MYOCD: variants seen among roughly 807,000 people sequenced by gnomAD.
The protein encoded by MYOCD is myocardin.
MYOCD carries 32 observed loss-of-function variants against 96.1 expected under a neutral mutation model. The ratio of observed to expected loss-of-function variants is 0.33; its 90% CI spans 0.25 to 0.45. The LOEUF is 0.45. Ranked by LOEUF, MYOCD falls within the 20% of genes least tolerant of loss-of-function variation. MYOCD has a pLI of 1.00. For missense variants in MYOCD, 1,133 were observed against 1,200.6 expected, an observed-to-expected ratio of 0.94 and a Z score of 0.83; for synonymous variants, 469 against 469.0, an observed-to-expected ratio of 1.00 and a Z score of 0.00.
intron 2 of MYOCD, among the ~76,000 whole-genome samples, chr17:12,711,794 C>T (rs538015825): frequency 6.6e-6 from 1 of 152,278 alleles, no homozygotes; most frequent in South Asian, 2.1e-4. Context: ...GAAATCCCAT[C>T]ACAGCGGTTC....
At chr17:12,733,885 A>G (rs12601276) in intron 5 of MYOCD, among the ~76,000 whole-genome samples, 2,887 of 139,752 alleles carry the variant, frequency 0.021, 244 homozygotes, top group East Asian at 0.15. Flanking sequence ...AAAAAAGAAA[A>G]AAAGAAAGAA....
At chr17:12,668,629 C>T (rs2150623936) in intron 1 of MYOCD, among the ~76,000 whole-genome samples, 1 of 151,588 alleles carries the variant, frequency 6.6e-6, no homozygotes, top group East Asian at 1.9e-4. Context: ...TTTGAGAAGC[C>T]AAAGGGTGTC....
At chr17:12,680,213 C>T (rs550439442) in intron 1 of MYOCD, among the ~76,000 whole-genome samples, 91 of 152,294 alleles carry the variant, frequency 6.0e-4, no homozygotes, top group African/African-American at 2.1e-3. Flanking sequence ...TCTAATTCTC[C>T]TTTATATCTA....
chr17:12,681,889 T>C (rs1435146667), intron 1 of MYOCD, among the ~76,000 whole-genome samples: 1 of 152,168 alleles, frequency 6.6e-6, no homozygotes, highest in African/African-American at 2.4e-5. Flanking sequence ...CCTATGTTAT[T>C]CTTGGTCAGT....
At chr17:12,679,377 G>A (rs1910311427) in intron 1 of MYOCD, among the ~76,000 whole-genome samples, 1 of 152,170 alleles carries the variant, frequency 6.6e-6, no homozygotes, top group Admixed American at 6.5e-5. Flanking sequence ...TAGTAGAAAT[G>A]CAGCCTTCAC....
chr17:12,721,502 G>A (rs1024474204), intron 4 of MYOCD, among the ~76,000 whole-genome samples: 25 of 152,116 alleles, frequency 1.6e-4, no homozygotes, highest in African/African-American at 6.0e-4. Context: ...AATGGGGAGT[G>A]GGGAAGAAGT....
rs776464367 is a variant in MYOCD, at chr17:12,744,332, G to A, written c.867G>A (p.Leu289=). The A allele has an allele frequency of 6.2e-7, 1 of 1,614,198 alleles. No homozygotes were observed. Among genetic ancestry groups the A allele is most frequent in the South Asian group, 1.1e-5 (1 of 91,084 alleles). The change falls in exon 8 of 14, where the codon CTG becomes CTA. Residue 289 remains leucine (L), a synonymous_variant. Coordinates refer to ENST00000425538, the MANE Select transcript of MYOCD (RefSeq NM_001146312.3). ...PPPMDSAYAR[L]LQQQQLFLQL... ...CTATGGACTCAGCCTACGCTCGGCT[G>A]CTCCAGCAACAGCAGCTGTTCCTGC...
chr17:12,741,570 G>C (rs369378436), intron 7 of MYOCD, among the ~76,000 whole-genome samples: 1 of 152,052 alleles, frequency 6.6e-6, no homozygotes, highest in South Asian at 2.1e-4. Flanking sequence ...TTAGCCGGAC[G>C]TGGTGGCGTG....
At chr17:12,688,337 C>T (rs2030237727) in intron 1 of MYOCD, among the ~76,000 whole-genome samples, 1 of 152,224 alleles carries the variant, frequency 6.6e-6, no homozygotes, top group Admixed American at 6.5e-5. Flanking sequence ...CTATTTGTGG[C>T]TTCCAAATTA....
chr17:12,752,826 T>G lies in MYOCD; in HGVS notation c.1538T>G (p.Leu513Arg). 6.2e-7 allele frequency: 1 copy of G among 1,614,046 alleles called. No individual in the cohort carries two copies. ...GGSVPSELDG[L>R]DSEKDKMLVE... The stretch of plus-strand genomic sequence containing the variant: ...TCTGTTCCTTCTGAGCTGGATGGGC[T>G]GGACTCCGAGAAGGACAAGATGCTG... Residue 513 changes from leucine to arginine, a missense_variant, in exon 10 of 14, where the codon CTG (leucine) becomes CGG (arginine). Coordinates refer to ENST00000425538, the MANE Select transcript of MYOCD (RefSeq NM_001146312.3).
In MYOCD at chr17:12,666,159, C is replaced by T. The variant is rs1909365063; in HGVS notation, c.-30C>T. The T allele has an allele frequency of 6.2e-7, 1 of 1,604,310 alleles. No individual in the cohort carries two copies. Among genetic ancestry groups the T allele is most frequent in the African/African-American group, 1.3e-5 (1 of 74,830 alleles). On this transcript the variant is annotated 5_prime_UTR_variant, in exon 1 of 14. Transcript: ENST00000425538. Reference sequence around the variant, plus strand: ...TGGTGGAGAACAGGGGGCGCCTGGCCAAGGGACCAGCGGCTTGCTGAGACT... The same window carrying T: ...TGGTGGAGAACAGGGGGCGCCTGGCTAAGGGACCAGCGGCTTGCTGAGACT...
At chr17:12,751,299 G>A (rs11651564) in intron 9 of MYOCD, among the ~76,000 whole-genome samples, 81,367 of 150,724 alleles carry the variant, frequency 0.54, 22,164 homozygotes, top group East Asian at 0.66. Flanking sequence ...ATATATATAT[G>A]TACATACATT....
At position 12,765,369 on chromosome 17, in the gene MYOCD, G is replaced by A. The variant is rs182336419; in HGVS notation, c.*1725G>A. On this transcript the variant is annotated 3_prime_UTR_variant, in exon 14 of 14. Transcript: ENST00000425538. ...ACTTATAGAAAAAATAATCAAAAAT[G>A]TTGGGATTTTAGAAGCTCTCTTTTT... The A allele has an allele frequency of 1.3e-5, 2 of 151,204 alleles. No individual in the cohort carries two copies. The highest frequency in any genetic ancestry group is 2.0e-4 in the East Asian group (1 of 5,120). 9.4% of individuals were successfully genotyped at this position (151,204 alleles called of 1,614,324 possible). A position where few individuals can be genotyped will look rare whatever the true frequency, so the allele number is the denominator to read the frequency against.
At chr17:12,680,948 A>G (rs909084094) in intron 1 of MYOCD, among the ~76,000 whole-genome samples, 13 of 152,156 alleles carry the variant, frequency 8.5e-5, no homozygotes, top group Non-Finnish European at 4.4e-5. Flanking sequence ...TGATGCTCAC[A>G]TGCCTGCTGC....
In MYOCD at chr17:12,711,369, A is replaced by G. The variant is rs151260159; in HGVS notation, c.122-4150A>G. ...ACAGAGCTCAAATGGATGGTTCCCA[A>G]ATATTTAGTTACCCAGGACTTCTTT... On this transcript the variant is annotated intron_variant, in intron 2 of 13. Transcript: ENST00000425538. Among the ~76,000 whole-genome samples the G allele has an allele frequency of 4.2e-3, 635 of 152,238 alleles. 18 individuals are homozygous for G. Among genetic ancestry groups the G allele is most frequent in the Non-Finnish European group, 2.1e-3 (143 of 68,004 alleles).
intron 3 of MYOCD, among the ~76,000 whole-genome samples, chr17:12,716,126 A>G (rs2031632590): frequency 6.6e-6 from 1 of 152,234 alleles, no homozygotes; most frequent in African/African-American, 2.4e-5. Context: ...ATATTAATAA[A>G]TACTATTTAG....
At chr17:12,751,450 T>A (rs1272189773) in intron 9 of MYOCD, among the ~76,000 whole-genome samples, 1 of 152,214 alleles carries the variant, frequency 6.6e-6, no homozygotes, top group Non-Finnish European at 1.5e-5. Context: ...TTGCATACAC[T>A]ATCATTTACC....
At chr17:12,705,247 A>G in intron 2 of MYOCD, 54 bp downstream of exon 2, 7 of 1,349,104 alleles carry the variant, frequency 5.2e-6, no homozygotes, top group Admixed American at 1.8e-5. Context: ...ACCATTTGGG[A>G]GCTGGAAAGT....
chr17:12,712,817 C>T (rs2031520917), intron 2 of MYOCD, among the ~76,000 whole-genome samples: 1 of 152,170 alleles, frequency 6.6e-6, no homozygotes, highest in Non-Finnish European at 1.5e-5. Flanking sequence ...AATCCAAATT[C>T]CTTTTCAATC....
Sources: allele counts gnomAD v4.1 joint callset (sites outside exome capture counted in the v4.1 genomes callset), GRCh38; gene constraint gnomAD v4.1.1; transcripts MANE v1.5; gene names NCBI Gene and HGNC (gene_info 2026-07-23, HGNC 2026-07-21).